Variants in HRH2 observed in about 807,000 individuals in gnomAD.
HRH2 encodes the protein histamine H2 receptor.
In HRH2, 4 loss-of-function variants were observed where a neutral mutation model predicts 20.1. The observed-to-expected ratio is 0.20, with a 90% confidence interval of 0.10 to 0.45. The LOEUF (loss-of-function observed/expected upper bound fraction) is 0.45. Ranked by LOEUF, HRH2 falls within the 20% of genes least tolerant of loss-of-function variation. The probability of loss-of-function intolerance (pLI) is 0.99; values close to 1 mark genes in which losing one functional copy is unlikely to be tolerated. For synonymous variants in HRH2, 197 were observed against 200.7 expected (o/e 0.98, Z 0.16); for missense variants, 250 against 461.6 (o/e 0.54, Z 4.20).
At chr5:175,703,022 A>G (rs898418051) in intron 2 of HRH2, among the ~76,000 whole-genome samples, 2 of 152,228 alleles carry the variant, frequency 1.3e-5, no homozygotes, top group African/African-American at 4.8e-5. Context: ...ACAAATAATC[A>G]TTACAGCAGA....
In HRH2 at chr5:175,687,250, G is replaced by A. The variant is rs139291361; in HGVS notation, c.1076+2941G>A. 5.3e-5 allele frequency among the ~76,000 whole-genome samples: 8 copies of A among 152,238 alleles called. No individual in the cohort carries two copies. The highest frequency in any genetic ancestry group is 2.1e-4 in the South Asian group (1 of 4,822). On this transcript the variant is annotated intron_variant, in intron 2 of 2. Coordinates refer to ENST00000636584, the MANE Select transcript of HRH2 (RefSeq NM_001367711.1). This position sits in a 1 kb window ranked among gnomAD's most constrained non-coding sequence, Gnocchi z 5.2. Reference sequence around the variant, plus strand: ...ATATTCCCACCAAGACTGCCAGGGCGATCAGGGCCTCGTGTGTCCCTCGAT... The same window carrying A: ...ATATTCCCACCAAGACTGCCAGGGCAATCAGGGCCTCGTGTGTCCCTCGAT...
chr5:175,677,843 C>A lies in HRH2; in HGVS notation c.-525-4866C>A, dbSNP rs1755810884. On this transcript the variant is annotated intron_variant, in intron 1 of 2. Transcript: ENST00000636584. The surrounding 1 kb of genome is among the most constrained non-coding windows in gnomAD (Gnocchi z 4.2). The stretch of plus-strand genomic sequence containing the variant: ...CTGCAGCAGGAGGTCAGGGACCCTG[C>A]GCCACTTTTCCCGCCTTCCAATCAC... Among the ~76,000 whole-genome samples the A allele has an allele frequency of 6.6e-6, 1 of 152,174 alleles. No individual in the cohort carries two copies. The highest frequency in any genetic ancestry group is 1.5e-5 in the Non-Finnish European group (1 of 68,030).
chr5:175,671,309 G>A (rs1267540283), intron 1 of HRH2, among the ~76,000 whole-genome samples: 1 of 152,230 alleles, frequency 6.6e-6, no homozygotes, highest in East Asian at 1.9e-4. Context: ...CCTGGCAAGT[G>A]TTATCTGTTT....
intron 2 of HRH2, among the ~76,000 whole-genome samples, chr5:175,707,221 A>G (rs1359607695): frequency 6.6e-6 from 1 of 152,112 alleles, no homozygotes; most frequent in Non-Finnish European, 1.5e-5. Flanking sequence ...CCAGGAGTTC[A>G]AGACCAGCCC....
intron 2 of HRH2, 39 bp from the exon 3 acceptor site, chr5:175,707,740 G>A (rs2113569555): frequency 5.8e-6 from 2 of 344,000 alleles, no homozygotes; most frequent in East Asian, 8.1e-5. Flanking sequence ...GCCTTGCTCT[G>A]TGGCCACCTC....
intron 1 of HRH2, among the ~76,000 whole-genome samples, chr5:175,662,496 A>G (rs1762767703): frequency 6.6e-6 from 1 of 152,172 alleles, no homozygotes; most frequent in Non-Finnish European, 1.5e-5. Context: ...ATTCCTGACC[A>G]GGGATCAGCT....
At chr5:175,701,993 A>C (rs764051733) in intron 2 of HRH2, among the ~76,000 whole-genome samples, 1 of 152,212 alleles carries the variant, frequency 6.6e-6, no homozygotes, top group Non-Finnish European at 1.5e-5. Context: ...AGGTTGGTGC[A>C]AAAGTAATTG....
intron 1 of HRH2, among the ~76,000 whole-genome samples, chr5:175,659,144 G>A (rs937158860): frequency 1.4e-4 from 21 of 152,164 alleles, no homozygotes; most frequent in African/African-American, 4.8e-4. Context: ...GGGAATGTGG[G>A]GGGCCCAGAA....
intron 1 of HRH2, among the ~76,000 whole-genome samples, 188 bp downstream of exon 1, chr5:175,658,343 G>C (rs561812284): frequency 6.6e-6 from 1 of 152,180 alleles, no homozygotes; most frequent in Non-Finnish European, 1.5e-5. Flanking sequence ...CCTTGGGCAG[G>C]TGCCTCCGCC....
rs1317018274 is a variant in HRH2, at chr5:175,709,759, C to G, written c.*1788C>G. 1.3e-5 allele frequency: 2 copies of G among 152,904 alleles called. No homozygotes were observed. The highest frequency in any genetic ancestry group is 2.9e-5 in the Non-Finnish European group (2 of 68,638). The allele number at this position is 152,904 out of a possible 1,614,324, so 9.5% of individuals were successfully genotyped here. A position where few individuals can be genotyped will look rare whatever the true frequency, so the allele number is the denominator to read the frequency against. ...CACCTCTTCTCAGCACTCTCGCCCC[C>G]ACCCAGTCCACCCCCTACCTGACAG... On this transcript the variant is annotated 3_prime_UTR_variant, in exon 3 of 3. Coordinates refer to ENST00000636584, the MANE Select transcript of HRH2 (RefSeq NM_001367711.1).
chr5:175,691,782 C>T (rs979864121), intron 2 of HRH2, among the ~76,000 whole-genome samples: 11 of 151,564 alleles, frequency 7.3e-5, no homozygotes, highest in Non-Finnish European at 1.3e-4. Flanking sequence ...GCTCAGGAGG[C>T]TGAGGCAGGA....
intron 2 of HRH2, among the ~76,000 whole-genome samples, chr5:175,706,335 G>T (rs1756940671): frequency 6.6e-6 from 1 of 152,320 alleles, no homozygotes; most frequent in Middle Eastern, 3.4e-3. Flanking sequence ...GTAACAAAGA[G>T]ATATGACTGA....
At chr5:175,700,720 C>T (rs1198724232) in intron 2 of HRH2, among the ~76,000 whole-genome samples, 1 of 152,022 alleles carries the variant, frequency 6.6e-6, no homozygotes, top group South Asian at 2.1e-4. Context: ...CACGTCTCTA[C>T]TAAAAATAAT....
intron 2 of HRH2, among the ~76,000 whole-genome samples, chr5:175,699,093 G>A (rs1756708990): frequency 1.3e-5 from 2 of 152,016 alleles, no homozygotes; most frequent in Admixed American, 6.5e-5. Flanking sequence ...ATGGGCAGAG[G>A]GCTGAAGTGT....
At chr5:175,665,760 C>T (rs901833703) in intron 1 of HRH2, among the ~76,000 whole-genome samples, 6 of 151,988 alleles carry the variant, frequency 3.9e-5, no homozygotes, top group Admixed American at 1.3e-4. Context: ...GCTCTCAAAG[C>T]GATTATAAAA....
intron 1 of HRH2, among the ~76,000 whole-genome samples, chr5:175,680,125 T>C (rs926029836): frequency 2.0e-5 from 3 of 152,244 alleles, no homozygotes; most frequent in South Asian, 4.1e-4. Flanking sequence ...CCCCCTGCAG[T>C]TGGCAGCTTA....
chr5:175,668,463 A>G (rs1438913877), intron 1 of HRH2, among the ~76,000 whole-genome samples: 1 of 151,940 alleles, frequency 6.6e-6, no homozygotes, highest in African/African-American at 2.4e-5. Context: ...CTTGATCTTG[A>G]CCCCATACAC....
chr5:175,690,249 C>T (rs773648840), intron 2 of HRH2, among the ~76,000 whole-genome samples: 1 of 152,164 alleles, frequency 6.6e-6, no homozygotes, highest in Non-Finnish European at 1.5e-5. Flanking sequence ...AGCTGCTGCC[C>T]CATCTCACAG....
intron 1 of HRH2, among the ~76,000 whole-genome samples, chr5:175,660,732 T>G (rs1762715237): frequency 6.6e-6 from 1 of 152,128 alleles, no homozygotes. Context: ...CGTATCTGAG[T>G]GTGCCCTGTC....
Sources: allele counts gnomAD v4.1 joint callset (sites outside exome capture counted in the v4.1 genomes callset), GRCh38; gene constraint gnomAD v4.1.1; non-coding constraint Gnocchi (gnomAD v3.1); transcripts MANE v1.5; gene names NCBI Gene and HGNC (gene_info 2026-07-23, HGNC 2026-07-21).